EFNA5: variants seen among roughly 807,000 people sequenced by gnomAD.
EFNA5 encodes ephrin-A5.
Under a neutral mutation model 22.9 loss-of-function variants are expected in EFNA5, and 5 were observed. The observed-to-expected ratio is 0.22, with a 90% CI of 0.11 to 0.46. The LOEUF (loss-of-function observed/expected upper bound fraction) is 0.46. Among genes scored for constraint, EFNA5 ranks in the 20% least tolerant of loss-of-function variants. The pLI is 0.99. For missense variants in EFNA5, 237 were observed against 293.3 expected (o/e 0.81, Z 1.40); for synonymous variants, 113 against 112.2 (o/e 1.01, Z -0.04).
chr5:107,448,907 G>C (rs1178259155), intron 1 of EFNA5, among the ~76,000 whole-genome samples: 1 of 150,616 alleles, frequency 6.6e-6, no homozygotes, highest in Non-Finnish European at 1.5e-5. Flanking sequence ...CCCAACATTT[G>C]TTCATTATTT....
intron 1 of EFNA5, among the ~76,000 whole-genome samples, chr5:107,494,709 G>T (rs1158451904): frequency 6.6e-6 from 1 of 152,228 alleles, no homozygotes; most frequent in Non-Finnish European, 1.5e-5. Flanking sequence ...CTCAGGGACT[G>T]TAAATATACC....
intron 1 of EFNA5, among the ~76,000 whole-genome samples, chr5:107,553,298 G>A (rs1748338990): frequency 6.6e-6 from 1 of 152,204 alleles, no homozygotes; most frequent in South Asian, 2.1e-4. Flanking sequence ...CCATGGCTCG[G>A]CTGTGGAAAC....
At chr5:107,490,337 C>A (rs1746770489) in intron 1 of EFNA5, among the ~76,000 whole-genome samples, 1 of 152,150 alleles carries the variant, frequency 6.6e-6, no homozygotes, top group Non-Finnish European at 1.5e-5. Context: ...CTCATGGGAT[C>A]CTCCTGCCTC....
intron 2 of EFNA5, among the ~76,000 whole-genome samples, chr5:107,409,532 A>G (rs1330898454): frequency 2.6e-5 from 4 of 152,226 alleles, no homozygotes; most frequent in African/African-American, 9.6e-5. Flanking sequence ...CTCAATGTTC[A>G]GAACCAACTT....
chr5:107,596,656 C>A (rs1213136586), intron 1 of EFNA5, among the ~76,000 whole-genome samples: 3 of 151,868 alleles, frequency 2.0e-5, no homozygotes, highest in African/African-American at 4.8e-5. Flanking sequence ...CAATCTTTGG[C>A]CTGCAAATAT....
chr5:107,642,462 T>TAAAA (rs752015344), intron 1 of EFNA5, among the ~76,000 whole-genome samples: 1 of 70,736 alleles, frequency 1.4e-5, no homozygotes, highest in Non-Finnish European at 3.0e-5. Context: ...TTTTGTCAAC[T>TAAAA]AAAAAAAAAA....
intron 1 of EFNA5, among the ~76,000 whole-genome samples, chr5:107,447,404 T>C (rs12515656): frequency 6.6e-6 from 1 of 152,364 alleles, no homozygotes; most frequent in South Asian, 2.1e-4. Context: ...CCTGGCTCCC[T>C]TGTTAATTAA....
At chr5:107,392,207 G>A (rs1747808639) in intron 2 of EFNA5, among the ~76,000 whole-genome samples, 1 of 152,068 alleles carries the variant, frequency 6.6e-6, no homozygotes, top group Admixed American at 6.6e-5. Flanking sequence ...CCACATTCCT[G>A]TAGGCAGTCC....
intron 1 of EFNA5, among the ~76,000 whole-genome samples, chr5:107,457,572 G>A (rs566902363): frequency 3.3e-5 from 5 of 152,214 alleles, no homozygotes; most frequent in African/African-American, 1.2e-4. Flanking sequence ...GCTCAGTACA[G>A]ACACTTTTTA....
chr5:107,405,275 G>A (rs545632534), intron 2 of EFNA5, among the ~76,000 whole-genome samples: 15 of 152,208 alleles, frequency 9.9e-5, no homozygotes, highest in Non-Finnish European at 1.5e-4. Context: ...ACTAGCTGAT[G>A]ATGCTGTGCC....
chr5:107,407,867 T>C (rs909417991), intron 2 of EFNA5, among the ~76,000 whole-genome samples: 12 of 152,178 alleles, frequency 7.9e-5, no homozygotes, highest in African/African-American at 2.7e-4. Flanking sequence ...GGGTTGGTCA[T>C]AGTTATGATT....
chr5:107,537,933 G>A (rs1455322924), intron 1 of EFNA5, among the ~76,000 whole-genome samples: 1 of 152,168 alleles, frequency 6.6e-6, no homozygotes, highest in Non-Finnish European at 1.5e-5. Context: ...TGGAGTATTG[G>A]CAAATATTAA....
At chr5:107,549,593 A>C (rs1748240919) in intron 1 of EFNA5, among the ~76,000 whole-genome samples, 1 of 152,250 alleles carries the variant, frequency 6.6e-6, no homozygotes, top group Admixed American at 6.5e-5. Context: ...CCGAGCACCC[A>C]CATCTTTCTC....
intron 1 of EFNA5, among the ~76,000 whole-genome samples, chr5:107,523,355 A>G (rs893892878): frequency 7.9e-5 from 12 of 152,124 alleles, no homozygotes; most frequent in African/African-American, 2.7e-4. Flanking sequence ...ATTTGCTTAA[A>G]CCCCAAACAA....
chr5:107,469,051 T>C (rs1750067133), intron 1 of EFNA5, among the ~76,000 whole-genome samples: 1 of 152,184 alleles, frequency 6.6e-6, no homozygotes, highest in Admixed American at 6.5e-5. Flanking sequence ...AACTAAGTGC[T>C]TAGCATTTTG....
intron 1 of EFNA5, among the ~76,000 whole-genome samples, chr5:107,456,407 A>G (rs977072535): frequency 2.6e-5 from 4 of 152,164 alleles, no homozygotes; most frequent in Non-Finnish European, 5.9e-5. Flanking sequence ...CTGTTCATGC[A>G]CTGTCATCTA....
At chr5:107,500,318 A>G (rs1561414051) in intron 1 of EFNA5, among the ~76,000 whole-genome samples, 1 of 152,216 alleles carries the variant, frequency 6.6e-6, no homozygotes, top group African/African-American at 2.4e-5. Flanking sequence ...CGTTTTCCCT[A>G]CAATGTATAC....
intron 1 of EFNA5, among the ~76,000 whole-genome samples, chr5:107,462,076 G>A: frequency 6.6e-6 from 1 of 152,064 alleles, no homozygotes; most frequent in Non-Finnish European, 1.5e-5. Flanking sequence ...TAGACCCTGG[G>A]ATCACTGTAG....
intron 1 of EFNA5, among the ~76,000 whole-genome samples, chr5:107,523,655 C>T (rs1201518266): frequency 1.3e-5 from 2 of 152,192 alleles, no homozygotes; most frequent in Middle Eastern, 3.2e-3. Context: ...TTCAGTTACC[C>T]GAATTCTACA....
Sources: gnomAD v4.1 joint callset for allele counts (sites outside exome capture counted in the v4.1 genomes callset) on GRCh38, gnomAD v4.1.1 for gene constraint, MANE v1.5 for transcripts, NCBI Gene and HGNC (gene_info 2026-07-23, HGNC 2026-07-21) for gene names.